The following PALLD variants were observed in gnomAD, a reference collection of about 807,000 sequenced individuals.
PALLD encodes the protein palladin, cytoskeletal associated protein.
Under a neutral mutation model 123.5 loss-of-function variants are expected in PALLD, and 61 were observed. The observed-to-expected ratio is 0.49, with a 90% CI of 0.40 to 0.61. The LOEUF (loss-of-function observed/expected upper bound fraction) is 0.61. PALLD is among the 20% of genes least tolerant of loss of function. The probability of loss-of-function intolerance (pLI) is 0.00; values close to 1 mark genes in which losing one functional copy is unlikely to be tolerated. For missense variants in PALLD, 1,273 were observed against 1,377.0 expected (o/e 0.92, Z 1.20); for synonymous variants, 465 against 496.4 (o/e 0.94, Z 0.84).
intron 10 of PALLD, among the ~76,000 whole-genome samples, chr4:168,834,014 T>C (rs1053668974): frequency 5.4e-5 from 8 of 149,430 alleles, no homozygotes; most frequent in African/African-American, 2.0e-4. Flanking sequence ...TCCCTAAGCT[T>C]TACTTATTTT....
intron 2 of PALLD, among the ~76,000 whole-genome samples, chr4:168,603,371 TAC>T (rs1772864388): frequency 1.3e-5 from 2 of 152,212 alleles, no homozygotes; most frequent in African/African-American, 4.8e-5. Flanking sequence ...TATCATAAAG[TAC>T]TTTAAGACTG....
chr4:168,603,516 A>G (rs539350567), intron 2 of PALLD, among the ~76,000 whole-genome samples: 1 of 152,180 alleles, frequency 6.6e-6, no homozygotes, highest in African/African-American at 2.4e-5. Flanking sequence ...GGAAAGACCT[A>G]TTTTTCAAAA....
At chr4:168,850,521 T>TTC (rs1304036142) in intron 10 of PALLD, among the ~76,000 whole-genome samples, 2 of 128,706 alleles carry the variant, frequency 1.6e-5, no homozygotes, top group South Asian at 3.0e-4. Flanking sequence ...AGTCTGTCAT[T>TTC]TCTTTTTTTT....
intron 1 of PALLD, among the ~76,000 whole-genome samples, chr4:168,498,893 G>C (rs1019631089): frequency 6.6e-6 from 1 of 151,894 alleles, no homozygotes; most frequent in Admixed American, 6.6e-5. Flanking sequence ...ACAGGACATG[G>C]GATAACTTCA....
Position 168,868,301 on chromosome 4 carries a change from G to A in PALLD, c.1965-22621G>A, listed in dbSNP as rs1024713798. ...GTGACTGGCAGACCCACAAGGAATA[G>A]GGTAGAAGCGTATCTGTAAAGGGAG... On this transcript the variant is annotated intron_variant, in intron 10 of 21. Coordinates refer to ENST00000505667, the MANE Select transcript of PALLD (RefSeq NM_001166108.2). Among the ~76,000 whole-genome samples, 6 of 152,272 alleles carry A rather than the reference G, an allele frequency of 3.9e-5. 1 individual carries two copies. The South Asian group carries it at 1.0e-3, about 26-fold the overall frequency.
chr4:168,594,429 A>G (rs1233676452), intron 2 of PALLD, among the ~76,000 whole-genome samples: 1 of 152,194 alleles, frequency 6.6e-6, no homozygotes, highest in Non-Finnish European at 1.5e-5. Flanking sequence ...GCCTTAAAAA[A>G]AACAGACGCG....
At chr4:168,709,513 AG>A in intron 9 of PALLD, among the ~76,000 whole-genome samples, 1 of 410 alleles carries the variant, frequency 2.4e-3, no homozygotes, top group African/African-American at 6.4e-3. Flanking sequence ...CCATCAAGGA[AG>A]GAAGGAAGGA....
At chr4:168,777,429 A>C (rs1397482887) in intron 10 of PALLD, among the ~76,000 whole-genome samples, 2 of 152,052 alleles carry the variant, frequency 1.3e-5, no homozygotes, top group African/African-American at 2.4e-5. Flanking sequence ...GTGATGGGGG[A>C]GACGGGGTTT....
intron 10 of PALLD, among the ~76,000 whole-genome samples, chr4:168,808,471 C>T (rs1740563069): frequency 6.6e-6 from 1 of 152,070 alleles, no homozygotes; most frequent in African/African-American, 2.4e-5. Flanking sequence ...CAGAGCGAGA[C>T]TCCATCTCAA....
chr4:168,667,452 G>C (rs923331307), intron 2 of PALLD, among the ~76,000 whole-genome samples: 6 of 152,086 alleles, frequency 3.9e-5, no homozygotes, highest in African/African-American at 1.4e-4. Context: ...AAATGTAAAG[G>C]CCACCAAATG....
At chr4:168,809,237 AT>A (rs1740691000) in intron 10 of PALLD, among the ~76,000 whole-genome samples, 1 of 152,080 alleles carries the variant, frequency 6.6e-6, no homozygotes, top group Non-Finnish European at 1.5e-5. Flanking sequence ...CTTCTGAGAA[AT>A]TCCCTCAGGG....
chr4:168,893,825 A>G (rs1754555421), intron 11 of PALLD, among the ~76,000 whole-genome samples: 1 of 152,224 alleles, frequency 6.6e-6, no homozygotes, highest in Non-Finnish European at 1.5e-5. Context: ...GAGATGCAAG[A>G]ACACTACCAC....
At chr4:168,730,918 C>T (rs540304949) in intron 10 of PALLD, among the ~76,000 whole-genome samples, 2 of 152,302 alleles carry the variant, frequency 1.3e-5, no homozygotes, top group South Asian at 4.1e-4. Flanking sequence ...ACCCTTTTGG[C>T]TCTCCATCTC....
chr4:168,763,705 C>T (rs900597407), intron 10 of PALLD, among the ~76,000 whole-genome samples: 2 of 152,170 alleles, frequency 1.3e-5, no homozygotes, highest in Admixed American at 6.6e-5. Context: ...GGGATAGAGA[C>T]AGCATGAACA....
intron 8 of PALLD, among the ~76,000 whole-genome samples, chr4:168,692,563 T>C (rs1782732885): frequency 6.6e-6 from 1 of 152,206 alleles, no homozygotes; most frequent in East Asian, 1.9e-4. Flanking sequence ...TGTAGGGAGT[T>C]AGGGCACATC....
intron 2 of PALLD, among the ~76,000 whole-genome samples, chr4:168,611,412 G>A (rs1404192608): frequency 2.0e-5 from 3 of 152,178 alleles, no homozygotes; most frequent in Non-Finnish European, 4.4e-5. Context: ...ATCACATCCT[G>A]CCGGGGGCCA....
At chr4:168,703,239 C>A (rs1407442785) in intron 8 of PALLD, among the ~76,000 whole-genome samples, 1 of 145,196 alleles carries the variant, frequency 6.9e-6, no homozygotes, top group African/African-American at 2.7e-5. Context: ...GACATGAACT[C>A]ATCATTGTTT....
intron 10 of PALLD, among the ~76,000 whole-genome samples, chr4:168,803,956 T>G (rs1739756683): frequency 1.3e-5 from 2 of 152,202 alleles, no homozygotes; most frequent in African/African-American, 4.8e-5. Flanking sequence ...TTCCTGGGAA[T>G]GCTGTTCAGG....
intron 10 of PALLD, among the ~76,000 whole-genome samples, chr4:168,741,559 C>G (rs746836560): frequency 6.6e-6 from 1 of 152,058 alleles, no homozygotes; most frequent in African/African-American, 2.4e-5. Context: ...GTGGCTCATG[C>G]CTGTAGTCCC....
Sources: gnomAD v4.1 joint callset for allele counts (sites outside exome capture counted in the v4.1 genomes callset) on GRCh38, gnomAD v4.1.1 for gene constraint, MANE v1.5 for transcripts, NCBI Gene and HGNC (gene_info 2026-07-23, HGNC 2026-07-21) for gene names.